Variants in PIBF1 observed in about 807,000 individuals in gnomAD.
PIBF1 encodes progesterone immunomodulatory binding factor 1.
PIBF1 carries 90 observed loss-of-function variants against 112.5 expected under a neutral mutation model. The observed-to-expected ratio is 0.80, with a 90% confidence interval of 0.67 to 0.95. The LOEUF (loss-of-function observed/expected upper bound fraction) is 0.95, where lower values mean the gene tolerates loss of function less well. Ranked by LOEUF, PIBF1 falls within the 40% of genes least tolerant of loss-of-function variation. The pLI is 0.00. For missense variants in PIBF1, 915 were observed against 852.3 expected, an observed-to-expected ratio of 1.07 and a Z score of -0.92; for synonymous variants, 301 against 288.6, an observed-to-expected ratio of 1.04 and a Z score of -0.44.
At chr13:72,995,957 A>C (rs2043643100) in intron 16 of PIBF1, among the ~76,000 whole-genome samples, 1 of 151,204 alleles carries the variant, frequency 6.6e-6, no homozygotes, top group Non-Finnish European at 1.5e-5. Flanking sequence ...TCAAAAAAAA[A>C]AAGAAAAGAA....
chr13:72,897,440 T>C (rs1474347873), intron 11 of PIBF1, among the ~76,000 whole-genome samples: 3 of 152,208 alleles, frequency 2.0e-5, no homozygotes, highest in South Asian at 2.1e-4. Context: ...ACAGAAAGCA[T>C]GATGAATGCA....
At chr13:72,810,260 A>G (rs1056779284) in intron 5 of PIBF1, among the ~76,000 whole-genome samples, 3 of 152,148 alleles carry the variant, frequency 2.0e-5, no homozygotes, top group African/African-American at 7.2e-5. Flanking sequence ...CTGTTTTGCT[A>G]TTATAGAGTT....
chr13:72,995,739 C>T (rs2043632661), intron 16 of PIBF1, among the ~76,000 whole-genome samples: 1 of 151,962 alleles, frequency 6.6e-6, no homozygotes, highest in South Asian at 2.1e-4. Flanking sequence ...ATCACGAGGT[C>T]AGGACTTCAA....
At chr13:72,942,620 T>C (rs1380798545) in intron 14 of PIBF1, among the ~76,000 whole-genome samples, 1 of 152,210 alleles carries the variant, frequency 6.6e-6, no homozygotes, top group Non-Finnish European at 1.5e-5. Context: ...ATAAGATGTA[T>C]GCTATTTTCA....
intron 10 of PIBF1, among the ~76,000 whole-genome samples, chr13:72,857,603 C>T (rs2038482268): frequency 6.6e-6 from 1 of 152,170 alleles, no homozygotes; most frequent in Non-Finnish European, 1.5e-5. Flanking sequence ...TTTTGGGAGG[C>T]CGAGTTGGTT....
chr13:72,841,485 A>G (rs2037606942), intron 9 of PIBF1, among the ~76,000 whole-genome samples: 1 of 152,106 alleles, frequency 6.6e-6, no homozygotes, highest in African/African-American at 2.4e-5. Flanking sequence ...AAAATGGGCT[A>G]ATAGGCTAGG....
At chr13:72,907,171 A>C (rs1323279831) in intron 11 of PIBF1, among the ~76,000 whole-genome samples, 1 of 152,136 alleles carries the variant, frequency 6.6e-6, no homozygotes, top group Non-Finnish European at 1.5e-5. Context: ...AGGAATGTAT[A>C]TGGAGAGTGA....
Position 72,902,006 on chromosome 13 carries a change from A to ATGTG in PIBF1, c.1489-6511_1489-6508dup, listed in dbSNP as rs137877705. Reference sequence around the variant, plus strand: ...TAAAGAAACTGTAGTGTGTATGTATATGTGTGTGTGTGTGTGTATACACAC... The same window carrying ATGTG: ...TAAAGAAACTGTAGTGTGTATGTATATGTGTGTGTGTGTGTGTGTGTATACACAC... On this transcript the variant is annotated intron_variant, in intron 11 of 17. Coordinates refer to ENST00000326291, the MANE Select transcript of PIBF1 (RefSeq NM_006346.4). 1.8e-4 allele frequency among the ~76,000 whole-genome samples: 26 copies of ATGTG among 147,934 alleles called. 1 individual carries two copies. The East Asian group carries it at 3.7e-3, about 21-fold the overall frequency.
intron 9 of PIBF1, among the ~76,000 whole-genome samples, chr13:72,851,452 C>A (rs2038150633): frequency 6.6e-6 from 1 of 152,260 alleles, no homozygotes; most frequent in African/African-American, 2.4e-5. Context: ...CCACCTCGGC[C>A]TCCTCTGGAC....
chr13:72,783,768 A>C, intron 2 of PIBF1, 47 bp downstream of exon 2: 2 of 1,525,358 alleles, frequency 1.3e-6, no homozygotes, highest in South Asian at 1.2e-5. Flanking sequence ...TATTGTCTTC[A>C]AACGGCAGGT....
chr13:72,908,776 C>T (rs1017564421), intron 12 of PIBF1, 95 bp downstream of exon 12: 39 of 1,138,158 alleles, frequency 3.4e-5, no homozygotes, highest in African/African-American at 1.1e-4. Context: ...GGATCAGGCA[C>T]GGTGGCTCAT....
At chr13:72,812,029 G>A (rs564693038) in intron 5 of PIBF1, among the ~76,000 whole-genome samples, 3 of 152,088 alleles carry the variant, frequency 2.0e-5, no homozygotes, top group Non-Finnish European at 4.4e-5. Flanking sequence ...CTAGGAACTT[G>A]TAAATTTTAG....
intron 10 of PIBF1, among the ~76,000 whole-genome samples, chr13:72,856,482 A>G (rs2138338701): frequency 1.3e-5 from 2 of 152,270 alleles, no homozygotes; most frequent in South Asian, 4.1e-4. Flanking sequence ...CAAGACAAGG[A>G]AAAAAAGGTG....
intron 15 of PIBF1, 118 bp from the exon 16 acceptor site, chr13:72,973,473 A>G (rs1171456985): frequency 8.9e-6 from 5 of 559,674 alleles, no homozygotes; most frequent in Non-Finnish European, 1.6e-5. Context: ...TTTATGGACT[A>G]TAAATTTATC....
intron 14 of PIBF1, among the ~76,000 whole-genome samples, chr13:72,953,066 A>G (rs2042346309): frequency 6.6e-6 from 1 of 152,054 alleles, no homozygotes; most frequent in South Asian, 2.1e-4. Context: ...GGTGTATGAA[A>G]TGCACTGAGG....
intron 17 of PIBF1, among the ~76,000 whole-genome samples, chr13:73,015,109 C>T (rs1011159472): frequency 6.6e-6 from 1 of 152,172 alleles, no homozygotes. Flanking sequence ...TCACCTCCAT[C>T]TCCCGTGTTA....
At chr13:72,811,613 A>AGG (rs2036021256) in intron 5 of PIBF1, among the ~76,000 whole-genome samples, 1 of 149,994 alleles carries the variant, frequency 6.7e-6, no homozygotes, top group Non-Finnish European at 1.5e-5. Flanking sequence ...AAAAAAAGAG[A>AGG]GAGAAATGTA....
intron 11 of PIBF1, among the ~76,000 whole-genome samples, chr13:72,899,596 G>A (rs1437316931): frequency 2.0e-5 from 3 of 151,946 alleles, no homozygotes; most frequent in East Asian, 1.9e-4. Context: ...CAGCAAAATC[G>A]GCATACCTTA....
chr13:72,813,630 G>A (rs1369417408), intron 5 of PIBF1, among the ~76,000 whole-genome samples: 1 of 152,134 alleles, frequency 6.6e-6, no homozygotes, highest in African/African-American at 2.4e-5. Context: ...CTTCAACATG[G>A]CAGTCTCACA....
Sources: gnomAD v4.1 joint callset for allele counts (sites outside exome capture counted in the v4.1 genomes callset) on GRCh38, gnomAD v4.1.1 for gene constraint, MANE v1.5 for transcripts, NCBI Gene and HGNC (gene_info 2026-07-23, HGNC 2026-07-21) for gene names.